Variants in ZNF808 observed in about 807,000 individuals in gnomAD.
ZNF808 encodes zinc finger protein 808.
ZNF808 carries 5 observed loss-of-function variants against 8.7 expected under a neutral mutation model. That is an observed-to-expected ratio of 0.58 (90% confidence interval 0.30 to 1.21). The LOEUF is 1.21. Among genes scored for constraint, ZNF808 ranks in the 50% most tolerant of loss-of-function variants. The pLI is 0.07. For missense variants in ZNF808, 1,103 were observed against 1,098.4 expected (o/e 1.00, Z -0.06); for synonymous variants, 380 against 366.0 (o/e 1.04, Z -0.44).
chr19:52,553,330 C>A lies in ZNF808; in HGVS notation c.414C>A (p.Ser138Arg). 3.7e-6 allele frequency: 6 copies of A among 1,614,050 alleles called. No individual in the cohort carries two copies. The highest frequency in any genetic ancestry group is 5.1e-6 in the Non-Finnish European group (6 of 1,179,956). The change falls in exon 5 of 5, where the codon AGC becomes AGA. Residue 138 changes from serine to arginine, a missense_variant. Physicochemically the swap from Ser to Arg is moderately radical, Grantham distance 110 (BLOSUM62 -1). Coordinates refer to ENST00000359798, the MANE Select transcript of ZNF808 (RefSeq NM_001039886.4). ...PTTKIKKLTG[S>R]TDQHDHRHAG... ...CAAAAATAAAAAAGTTGACTGGTAG[C>A]ACAGACCAACATGATCACAGGCATG... is the stretch of plus-strand genomic sequence containing the variant.
chr19:52,541,607 C>G (rs1297363160), intron 2 of ZNF808, among the ~76,000 whole-genome samples: 1 of 151,882 alleles, frequency 6.6e-6, no homozygotes, highest in Non-Finnish European at 1.5e-5. Context: ...TGACAAAATA[C>G]AGTGTGTGAC....
At chr19:52,532,688 G>C (rs1006479784) in intron 1 of ZNF808, among the ~76,000 whole-genome samples, 1 of 151,988 alleles carries the variant, frequency 6.6e-6, no homozygotes, top group African/African-American at 2.4e-5. Flanking sequence ...TCAGCGTTTT[G>C]TCATATTGGA....
At chr19:52,531,926 A>G (rs1472634459) in intron 1 of ZNF808, among the ~76,000 whole-genome samples, 4 of 152,208 alleles carry the variant, frequency 2.6e-5, no homozygotes, top group Admixed American at 1.3e-4. Context: ...ATCAGAAGGT[A>G]GTGATCTTAA....
At chr19:52,567,690 AATTTTTAT>A (rs2059876324), downstream of ZNF808, among the ~76,000 whole-genome samples, 1 of 151,470 alleles carries the variant, frequency 6.6e-6, no homozygotes, top group Non-Finnish European at 1.5e-5. Flanking sequence ...ACTCCAGGCT[AATTTTTAT>A]ATTTGTAGTA....
downstream of ZNF808, among the ~76,000 whole-genome samples, chr19:52,558,354 G>A (rs547153588): frequency 1.2e-4 from 18 of 149,434 alleles, no homozygotes; most frequent in South Asian, 6.3e-4. Context: ...GAGCCACCGC[G>A]CCCGGCATCT....
intron 2 of ZNF808, among the ~76,000 whole-genome samples, chr19:52,535,661 G>C (rs1407692879): frequency 6.6e-6 from 1 of 152,254 alleles, no homozygotes; most frequent in Non-Finnish European, 1.5e-5. Context: ...AGAATAGAAA[G>C]GGGGAGGATT....
At chr19:52,531,202 G>C (rs895819510) in intron 1 of ZNF808, among the ~76,000 whole-genome samples, 4 of 152,072 alleles carry the variant, frequency 2.6e-5, no homozygotes, top group South Asian at 2.1e-4. Flanking sequence ...GGCCATGTTC[G>C]GTGGCTCACA....
downstream of ZNF808, among the ~76,000 whole-genome samples, chr19:52,561,020 G>A (rs1274477012): frequency 2.0e-5 from 3 of 151,786 alleles, no homozygotes; most frequent in East Asian, 1.9e-4. Context: ...ATAGGAGGCC[G>A]CTTAAATCAG....
At chr19:52,568,617 C>G (rs2059879018), downstream of ZNF808, among the ~76,000 whole-genome samples, 1 of 152,120 alleles carries the variant, frequency 6.6e-6, no homozygotes, top group Non-Finnish European at 1.5e-5. Context: ...TCTGGGAAAG[C>G]TTCTCTGTAT....
At chr19:52,551,838 AC>A (rs2059779892) in intron 4 of ZNF808, among the ~76,000 whole-genome samples, 1 of 151,870 alleles carries the variant, frequency 6.6e-6, no homozygotes, top group East Asian at 1.9e-4. Flanking sequence ...CCACATCTCT[AC>A]TAAAAACACA....
chr19:52,564,116 C>T, exon 4 of ZNF808: 2 of 672,792 alleles, frequency 3.0e-6, no homozygotes, highest in East Asian at 2.9e-5. Flanking sequence ...CGGTTTCTGG[C>T]CAACAACCAA....
chr19:52,554,979 T>C lies in ZNF808; in HGVS notation c.2063T>C (p.Phe688Ser), dbSNP rs2059820378. The change falls in exon 5 of 5, where the codon TTC (phenylalanine) becomes TCC (serine). Residue 688 changes from phenylalanine to serine, a missense_variant. Phe to Ser is a radical substitution (Grantham distance 155). Transcript: ENST00000359798. The stretch of plus-strand genomic sequence containing the variant: ...AAATGTAAGGTTTGTGACAAGGCTT[T>C]CGTGTGTCGTTCCTATGTGGCAAAA... ...SYKCKVCDKA[F>S]VCRSYVAKHT... 2 of 1,614,090 alleles carry C rather than the reference T, an allele frequency of 1.2e-6. No individual in the cohort carries two copies.
downstream of ZNF808, among the ~76,000 whole-genome samples, chr19:52,568,072 A>G (rs999858235): frequency 2.0e-5 from 3 of 152,114 alleles, no homozygotes; most frequent in Admixed American, 1.3e-4. Flanking sequence ...TGCAGGCGCA[A>G]CTTCTACAAG....
At chr19:52,538,878 G>T (rs1257284198) in intron 2 of ZNF808, among the ~76,000 whole-genome samples, 1 of 152,114 alleles carries the variant, frequency 6.6e-6, no homozygotes, top group Non-Finnish European at 1.5e-5. Context: ...TTTAAAATTA[G>T]TTTAAATTAT....
intron 2 of ZNF808, among the ~76,000 whole-genome samples, chr19:52,538,187 T>C (rs2059631741): frequency 6.6e-6 from 1 of 150,518 alleles, no homozygotes; most frequent in South Asian, 2.1e-4. Flanking sequence ...GTTTTTTTTT[T>C]CTTTGTTTGT....
At chr19:52,539,034 T>C (rs1400933712) in intron 2 of ZNF808, among the ~76,000 whole-genome samples, 1 of 152,038 alleles carries the variant, frequency 6.6e-6, no homozygotes, top group Non-Finnish European at 1.5e-5. Context: ...CCCTCTTCCC[T>C]TTTCATGGCT....
chr19:52,554,338 A>T lies in ZNF808; in HGVS notation c.1422A>T (p.Arg474Ser). ...FTCNSQLARH[R>S]RIHTGEKTYK... ...GTAATTCACAGCTGGCACGACATAG[A>T]AGAATTCACACTGGAGAGAAAACTT... The change falls in exon 5 of 5, where the codon AGA becomes AGT. Residue 474 changes from arginine (R) to serine (S), a missense_variant. Transcript: ENST00000359798. 6.2e-7 allele frequency: 1 copy of T among 1,613,844 alleles called. No homozygotes were observed. Among genetic ancestry groups the T allele is most frequent in the Non-Finnish European group, 8.5e-7 (1 of 1,179,926 alleles).
chr19:52,536,883 G>A (rs1269139890), intron 2 of ZNF808, among the ~76,000 whole-genome samples: 3 of 152,092 alleles, frequency 2.0e-5, no homozygotes, highest in Non-Finnish European at 4.4e-5. Context: ...TGGGGAGAAG[G>A]AGCAACAAGA....
At chr19:52,551,558 G>A (rs1421476931) in intron 4 of ZNF808, among the ~76,000 whole-genome samples, 2 of 152,136 alleles carry the variant, frequency 1.3e-5, no homozygotes, top group South Asian at 2.1e-4. Context: ...TTCAGAGGAA[G>A]TTGTTTAGAA....
Sources: gnomAD v4.1 joint callset for allele counts (sites outside exome capture counted in the v4.1 genomes callset) on GRCh38, gnomAD v4.1.1 for gene constraint, MANE v1.5 for transcripts, NCBI Gene and HGNC (gene_info 2026-07-23, HGNC 2026-07-21) for gene names.